The following EPB41L1 variants were observed in gnomAD, a reference collection of about 807,000 sequenced individuals.
EPB41L1 encodes the protein band 4.1-like protein 1.
Under a neutral mutation model 97.8 loss-of-function variants are expected in EPB41L1, and 29 were observed. That is an observed-to-expected ratio of 0.30 (90% CI 0.22 to 0.40). The LOEUF (loss-of-function observed/expected upper bound fraction) is 0.40, where lower values mean the gene tolerates loss of function less well. EPB41L1 is among the 10% of genes least tolerant of loss of function. EPB41L1 has a pLI of 1.00. For synonymous variants in EPB41L1, 383 were observed against 459.2 expected, an observed-to-expected ratio of 0.83 and a Z score of 2.12; for missense variants, 812 against 1,162.3, an observed-to-expected ratio of 0.70 and a Z score of 4.38.
chr20:36,201,418 C>T (rs1345680971), intron 14 of EPB41L1, among the ~76,000 whole-genome samples: 1 of 152,152 alleles, frequency 6.6e-6, no homozygotes, highest in East Asian at 1.9e-4. Flanking sequence ...CAGGCTCTGA[C>T]TTCTATGCTT....
chr20:36,142,768 C>T (rs1364473001), intron 2 of EPB41L1, among the ~76,000 whole-genome samples: 1 of 152,146 alleles, frequency 6.6e-6, no homozygotes, highest in Non-Finnish European at 1.5e-5. Context: ...GTTGGCCCGA[C>T]TGTATTGGTT....
chr20:36,154,227 G>A (rs2060174460), upstream of EPB41L1, among the ~76,000 whole-genome samples: 1 of 152,150 alleles, frequency 6.6e-6, no homozygotes, highest in Non-Finnish European at 1.5e-5. The surrounding 1 kb of genome is among the most constrained non-coding windows in gnomAD (Gnocchi z 5.5). Flanking sequence ...CAGGGGTGGT[G>A]AGGGGATCCG....
intron 2 of EPB41L1, among the ~76,000 whole-genome samples, chr20:36,139,087 G>A (rs1019078369): frequency 2.0e-5 from 3 of 152,204 alleles, no homozygotes; most frequent in African/African-American, 7.2e-5. Flanking sequence ...GCCTCTTGTG[G>A]TGATTGCCTT....
chr20:36,218,954 C>G lies in EPB41L1; in HGVS notation c.2347C>G (p.Leu783Val). Residue 783 changes from leucine (L) to valine (V), a missense_variant, in exon 18 of 22, where the codon CTT (leucine) becomes GTT (valine). Physicochemically the swap from Leu to Val is conservative, Grantham distance 32 (BLOSUM62 1). This residue lies in a region of EPB41L1 where 498 missense variants were observed against 622.7 expected (regional missense o/e 0.80). Transcript: ENST00000338074. ...GACGGTGGCCACGGAAATCCGTTCT[C>G]TTTCTCCGGTAAGTGGGCAAGGCCA... ...PQTVATEIRS[L>V]SPIIGKDVLT... The G allele has an allele frequency of 1.2e-6, 2 of 1,614,166 alleles. No homozygotes were observed. Among genetic ancestry groups the G allele is most frequent in the African/African-American group, 2.7e-5 (2 of 75,064 alleles).
chr20:36,155,212 C>T (rs780774623), intron 1 of EPB41L1: 64 of 456,016 alleles, frequency 1.4e-4, no homozygotes, highest in Non-Finnish European at 1.1e-4. Context: ...CTGCTGCCGC[C>T]TCCAGAGGCC....
chr20:36,220,819 A>G (rs1450633731), intron 19 of EPB41L1, among the ~76,000 whole-genome samples: 2 of 152,126 alleles, frequency 1.3e-5, no homozygotes, highest in East Asian at 1.9e-4. Flanking sequence ...GTCCACACCT[A>G]TGTGGCCAGG....
chr20:36,129,973 G>A (rs2147745349), intron 2 of EPB41L1, among the ~76,000 whole-genome samples: 1 of 132,734 alleles, frequency 7.5e-6, no homozygotes, highest in Non-Finnish European at 1.6e-5. Flanking sequence ...ACGGAGTCTT[G>A]CTCTGTCACT....
At chr20:36,133,674 T>G (rs138747209) in intron 2 of EPB41L1, among the ~76,000 whole-genome samples, 6 of 152,136 alleles carry the variant, frequency 3.9e-5, no homozygotes, top group Non-Finnish European at 5.9e-5. Flanking sequence ...CTGGGCAATA[T>G]GCAAACCCTG....
chr20:36,188,478 T>C lies in EPB41L1; in HGVS notation c.1005T>C (p.Tyr335=). 1 of 1,613,690 alleles carries C rather than the reference T, an allele frequency of 6.2e-7. No homozygotes were observed. Among genetic ancestry groups the C allele is most frequent in the South Asian group, 1.1e-5 (1 of 91,026 alleles). ...LKISYKRSNF[Y]IKIRPGEYEQ... is the part of the protein sequence containing the mutation. The stretch of plus-strand genomic sequence containing the variant: ...TCTCCTACAAGAGGAGTAACTTCTA[T>C]ATCAAGATCCGGCCTGGGGAGGTGA... The change falls in exon 9 of 22, where the codon TAT becomes TAC. Residue 335 remains tyrosine, a synonymous_variant. Coordinates refer to ENST00000338074, the MANE Select transcript of EPB41L1 (RefSeq NM_012156.2).
At chr20:36,165,694 A>G (rs2060712508) in intron 1 of EPB41L1, among the ~76,000 whole-genome samples, 1 of 152,170 alleles carries the variant, frequency 6.6e-6, no homozygotes, top group Non-Finnish European at 1.5e-5. Flanking sequence ...GCGAGAATCC[A>G]TCTCAAAAAA....
chr20:36,121,487 G>T (rs1195230509), intron 2 of EPB41L1, among the ~76,000 whole-genome samples: 1 of 152,180 alleles, frequency 6.6e-6, no homozygotes, highest in Non-Finnish European at 1.5e-5. Context: ...GTGACCTTAG[G>T]CTGGTTCTTG....
At chr20:36,101,695 G>A (rs1216712210) in intron 1 of EPB41L1, among the ~76,000 whole-genome samples, 3 of 152,156 alleles carry the variant, frequency 2.0e-5, no homozygotes, top group Admixed American at 6.5e-5. Flanking sequence ...ACAAAGGTGA[G>A]CATGCTAAAA....
rs2063003485 is a variant in EPB41L1 at position 36,209,406 on chromosome 20, C to T, written c.1669-82C>T. 2.7e-6 allele frequency: 4 copies of T among 1,460,206 alleles called. No homozygotes were observed. In the Admixed American group the frequency reaches 6.0e-5, roughly 22 times the overall value. 90.5% of individuals were successfully genotyped at this position (1,460,206 alleles called of 1,614,324 possible). On this transcript the variant is annotated intron_variant, in intron 14 of 21. Coordinates refer to ENST00000338074, the MANE Select transcript of EPB41L1 (RefSeq NM_012156.2). The surrounding 1 kb of genome is among the most constrained non-coding windows in gnomAD (Gnocchi z 4.2). ...ATGTCGACACAGCCCCGAGATTTCT[C>T]CTGACATTCACCATCTTGATTTCTC...
chr20:36,142,222 A>G (rs73283494), intron 2 of EPB41L1, among the ~76,000 whole-genome samples: 7,323 of 152,312 alleles, frequency 0.048, 191 homozygotes, highest in African/African-American at 0.075. Flanking sequence ...TGTTAAGAAC[A>G]TGATTATATA....
chr20:36,208,636 GT>G (rs2062960309), intron 14 of EPB41L1, among the ~76,000 whole-genome samples: 1 of 152,236 alleles, frequency 6.6e-6, no homozygotes, highest in South Asian at 2.1e-4. Context: ...CAGAAGCCAA[GT>G]TCTTTACAAA....
chr20:36,229,267 T>C, intron 21 of EPB41L1, 65 bp from the exon 22 acceptor site: 1 of 1,392,684 alleles, frequency 7.2e-7, no homozygotes, highest in South Asian at 1.2e-5. Context: ...TAATTTTTCT[T>C]GTCCTCTTCC....
chr20:36,197,622 A>C (rs993818881), intron 13 of EPB41L1: 124 of 985,204 alleles, frequency 1.3e-4, no homozygotes, highest in Non-Finnish European at 1.4e-4. Context: ...AGGTGGCTTG[A>C]CTAGACATCT....
Position 36,116,886 on chromosome 20 carries a change from C to T in EPB41L1, c.-10+4406C>T, listed in dbSNP as rs987183386. Among the ~76,000 whole-genome samples, 4 of 152,290 alleles carry T rather than the reference C, an allele frequency of 2.6e-5. No homozygotes were observed. The South Asian group carries it at 6.2e-4, about 24-fold the overall frequency. ...GAAGAGTATGATGTAGTGCTAGGTGCTCTCTCAGTTTCAAAGGATAGAAGA... is the reference window on the plus strand; with the variant it reads ...GAAGAGTATGATGTAGTGCTAGGTGTTCTCTCAGTTTCAAAGGATAGAAGA... On this transcript the variant is annotated intron_variant, in intron 2 of 19. Transcript: ENST00000202028.
chr20:36,190,399 A>G lies in EPB41L1; in HGVS notation c.1124+25A>G. On this transcript the variant is annotated intron_variant, in intron 10 of 21. Coordinates refer to ENST00000338074, the MANE Select transcript of EPB41L1 (RefSeq NM_012156.2). This position sits in a 1 kb window ranked among gnomAD's most constrained non-coding sequence, Gnocchi z 5.8. ...GGTGAGCCTGACCTTGGATGGGGTA[A>G]TGGGGATGGGGCAGAGGCCATGTGT... 6.2e-7 allele frequency: 1 copy of G among 1,610,006 alleles called. No homozygotes were observed. The highest frequency in any genetic ancestry group is 8.5e-7 in the Non-Finnish European group (1 of 1,177,044).
Sources: gnomAD v4.1 joint callset for allele counts (sites outside exome capture counted in the v4.1 genomes callset) on GRCh38, gnomAD v4.1.1 for gene constraint, gnomAD v4.1.1 regional missense constraint, Gnocchi (gnomAD v3.1) non-coding constraint, MANE v1.5 for transcripts, NCBI Gene and HGNC (gene_info 2026-07-23, HGNC 2026-07-21) for gene names.